The following FGF12 variants were observed in gnomAD, a reference collection of about 807,000 sequenced individuals.
The protein encoded by FGF12 is fibroblast growth factor 12B.
In FGF12, 14 loss-of-function variants were observed where a neutral mutation model predicts 23.6. The ratio of observed to expected loss-of-function variants is 0.59; its 90% CI spans 0.39 to 0.93. FGF12 has a LOEUF of 0.93. Ranked by LOEUF, FGF12 falls within the 40% of genes least tolerant of loss-of-function variation. FGF12 has a pLI of 0.00. For missense variants in FGF12, 175 were observed against 217.8 expected (o/e 0.80, Z 1.24); for synonymous variants, 62 against 77.3 (o/e 0.80, Z 1.04).
chr3:192,156,077 T>TC (rs1173522876), intron 5 of FGF12, among the ~76,000 whole-genome samples: 1 of 152,238 alleles, frequency 6.6e-6, no homozygotes, highest in Non-Finnish European at 1.5e-5. Flanking sequence ...CTCTTTTTTT[T>TC]CTTCAAAAAT....
At chr3:192,187,946 A>T (rs1172128399) in intron 4 of FGF12, among the ~76,000 whole-genome samples, 3 of 152,184 alleles carry the variant, frequency 2.0e-5, no homozygotes, top group Admixed American at 2.0e-4. Context: ...AGATCTATGT[A>T]TTAGGAAATG....
chr3:192,438,175 A>C (rs887136088), intron 2 of FGF12, among the ~76,000 whole-genome samples: 1 of 152,190 alleles, frequency 6.6e-6, no homozygotes. Context: ...ATTGTCCTTT[A>C]AAAAATCTCA....
At chr3:192,256,908 A>G (rs554752472) in intron 4 of FGF12, among the ~76,000 whole-genome samples, 1 of 152,252 alleles carries the variant, frequency 6.6e-6, no homozygotes, top group African/African-American at 2.4e-5. Flanking sequence ...ATGGAAATTA[A>G]TATTTGTTTT....
At chr3:192,567,801 C>CTT (rs1315183581) in intron 2 of FGF12, among the ~76,000 whole-genome samples, 27 of 104,026 alleles carry the variant, frequency 2.6e-4, no homozygotes, top group East Asian at 1.3e-3. Flanking sequence ...TTCTTTCTTT[C>CTT]TCTTTCTTTC....
At chr3:192,358,106 A>G (rs1259331336) in intron 3 of FGF12, among the ~76,000 whole-genome samples, 7 of 152,052 alleles carry the variant, frequency 4.6e-5, no homozygotes, top group Non-Finnish European at 1.0e-4. Context: ...AACTTATAAA[A>G]TATTTTAAAA....
At chr3:192,561,363 ACTTTT>A (rs1712012058) in intron 2 of FGF12, among the ~76,000 whole-genome samples, 1 of 151,648 alleles carries the variant, frequency 6.6e-6, no homozygotes, top group Admixed American at 6.6e-5. Flanking sequence ...GAGAAACTTC[ACTTTT>A]CTTTTTTTTT....
rs1392006469 is a variant in FGF12 at position 192,423,663 on chromosome 3, A to G, written c.14-63125T>C. Among the ~76,000 whole-genome samples the G allele has an allele frequency of 2.0e-5, 3 of 152,228 alleles. No individual in the cohort carries two copies. In the South Asian group the frequency reaches 6.2e-4, roughly 31 times the overall value. On this transcript the variant is annotated intron_variant, in intron 2 of 5. Coordinates refer to ENST00000445105, the MANE Select transcript of FGF12 (RefSeq NM_004113.6). Reference sequence around the variant, plus strand: ...AATTGAAGACCAAGAAAGGTGCAACATGCTTTAGGTCACACAGTTCTTGGT... The same window carrying G: ...AATTGAAGACCAAGAAAGGTGCAACGTGCTTTAGGTCACACAGTTCTTGGT...
At chr3:192,472,476 G>A (rs1228135918) in intron 2 of FGF12, among the ~76,000 whole-genome samples, 1 of 152,018 alleles carries the variant, frequency 6.6e-6, no homozygotes, top group Non-Finnish European at 1.5e-5. Flanking sequence ...GTACCTGGAT[G>A]ACACTCCATA....
intron 2 of FGF12, among the ~76,000 whole-genome samples, chr3:192,599,071 T>G (rs1713986732): frequency 6.6e-6 from 1 of 151,794 alleles, no homozygotes; most frequent in African/African-American, 2.4e-5. Flanking sequence ...TGAGAACACA[T>G]GGACACAGGG....
chr3:192,154,364 C>T (rs1341603910), intron 5 of FGF12, among the ~76,000 whole-genome samples: 2 of 122,654 alleles, frequency 1.6e-5, no homozygotes, highest in Non-Finnish European at 3.6e-5. Flanking sequence ...TGAGGAACTG[C>T]GTTCCTTTGG....
intron 4 of FGF12, among the ~76,000 whole-genome samples, chr3:192,319,422 C>T (rs1577349512): frequency 1.3e-5 from 2 of 151,984 alleles, no homozygotes; most frequent in East Asian, 1.9e-4. Flanking sequence ...CATGGTGAAA[C>T]TTCGCCTCTA....
chr3:192,713,877 C>G (rs923725833), intron 2 of FGF12, among the ~76,000 whole-genome samples: 1 of 152,126 alleles, frequency 6.6e-6, no homozygotes, highest in African/African-American at 2.4e-5. Flanking sequence ...AAAGTGAAAT[C>G]TTTGTGGAGC....
At chr3:192,154,953 A>G (rs13087328) in intron 5 of FGF12, among the ~76,000 whole-genome samples, 12,413 of 122,580 alleles carry the variant, frequency 0.1, 587 homozygotes, top group South Asian at 0.13. Context: ...CTGCTGTGCT[A>G]GCAATCAGCG....
intron 4 of FGF12, chr3:192,267,217 T>A (rs148113220): frequency 6.6e-6 from 1 of 152,126 alleles, no homozygotes; most frequent in Non-Finnish European, 1.5e-5. Flanking sequence ...GGTTACATAG[T>A]TGATTAATGC....
chr3:192,336,108 T>TACACACACACACACACACAC lies in FGF12; in HGVS notation c.125-664_125-645dup, dbSNP rs34991386. 4.7e-3 allele frequency among the ~76,000 whole-genome samples: 683 copies of TACACACACACACACACACAC among 144,008 alleles called. 4 individuals carry two copies. The highest frequency in any genetic ancestry group is 0.015 in the African/African-American group (603 of 38,928). The allele number at this position is 144,008 out of a possible 152,430, so 94.5% of individuals were successfully genotyped here. Reference sequence around the variant, plus strand: ...ATATATTTTATATCCAGGTGGGAAATACACACACACACACACACACACACA... The same window carrying TACACACACACACACACACAC: ...ATATATTTTATATCCAGGTGGGAAATACACACACACACACACACACACACACACACACACACACACACACA... On this transcript the variant is annotated intron_variant, in intron 3 of 5. Coordinates refer to ENST00000445105, the MANE Select transcript of FGF12 (RefSeq NM_004113.6). This position sits in a 1 kb window ranked among gnomAD's most constrained non-coding sequence, Gnocchi z 4.3.
intron 4 of FGF12, among the ~76,000 whole-genome samples, chr3:192,237,084 A>G (rs917631326): frequency 6.6e-5 from 10 of 152,022 alleles, no homozygotes; most frequent in African/African-American, 1.9e-4. Context: ...TTTCTCCTCC[A>G]TTTAAGAAGT....
chr3:192,581,645 C>T (rs1194876566), intron 2 of FGF12, among the ~76,000 whole-genome samples: 1 of 151,862 alleles, frequency 6.6e-6, no homozygotes, highest in African/African-American at 2.4e-5. Context: ...ATTCAACTCC[C>T]ATCACTCTTT....
At chr3:192,481,331 GA>G (rs937588140) in intron 2 of FGF12, among the ~76,000 whole-genome samples, 11 of 149,442 alleles carry the variant, frequency 7.4e-5, no homozygotes, top group South Asian at 2.1e-4. Context: ...CCTCTCTGAG[GA>G]AAAAAAAAAT....
chr3:192,174,498 C>T (rs1036575816), intron 4 of FGF12, among the ~76,000 whole-genome samples: 2 of 152,104 alleles, frequency 1.3e-5, no homozygotes, highest in South Asian at 2.1e-4. Context: ...AAGACATTTC[C>T]GGCTGGAAAC....
Sources: gnomAD v4.1 joint callset for allele counts (sites outside exome capture counted in the v4.1 genomes callset) on GRCh38, gnomAD v4.1.1 for gene constraint, Gnocchi (gnomAD v3.1) non-coding constraint, MANE v1.5 for transcripts, NCBI Gene and HGNC (gene_info 2026-07-23, HGNC 2026-07-21) for gene names.